Variants in SPAG9 observed in about 807,000 individuals in gnomAD.
The protein encoded by SPAG9 is sperm associated antigen 9.
A neutral mutation model predicts 166.5 loss-of-function variants in SPAG9; 35 were observed. That is an observed-to-expected ratio of 0.21 (90% CI 0.16 to 0.28). The LOEUF (loss-of-function observed/expected upper bound fraction) is 0.28. Ranked by LOEUF, SPAG9 falls within the 10% of genes least tolerant of loss-of-function variation. The probability of loss-of-function intolerance (pLI) is 1.00; values close to 1 mark genes in which losing one functional copy is unlikely to be tolerated. For missense variants in SPAG9, 1,235 were observed against 1,603.3 expected (o/e 0.77, Z 3.92); for synonymous variants, 534 against 565.5 (o/e 0.94, Z 0.79).
At chr17:51,046,539 C>T in intron 4 of SPAG9, 1 of 1,536,088 alleles carries the variant, frequency 6.5e-7, no homozygotes, top group South Asian at 1.2e-5. Flanking sequence ...AGCTGGCACA[C>T]CGGTAGAAAT....
chr17:51,080,648 TGAG>T (rs1446725523), intron 1 of SPAG9, among the ~76,000 whole-genome samples: 5 of 151,988 alleles, frequency 3.3e-5, no homozygotes, highest in African/African-American at 9.7e-5. Context: ...TTTGCGAGGC[TGAG>T]GAGAGCAGAT....
At chr17:51,022,943 A>AAAAAATAATAATAAT (rs2045999455) in intron 6 of SPAG9, among the ~76,000 whole-genome samples, 1 of 143,228 alleles carries the variant, frequency 7.0e-6, no homozygotes, top group African/African-American at 2.6e-5. Flanking sequence ...CTCCATCTCA[A>AAAAAATAATAATAAT]AATAATAATA....
intron 13 of SPAG9, among the ~76,000 whole-genome samples, chr17:51,000,255 A>G (rs569909755): frequency 1.3e-5 from 2 of 152,368 alleles, no homozygotes; most frequent in East Asian, 3.9e-4. Flanking sequence ...AAAATAAGAT[A>G]TTCCAAATTG....
intron 1 of SPAG9, among the ~76,000 whole-genome samples, chr17:51,107,027 G>A (rs568735838): frequency 1.3e-5 from 2 of 151,772 alleles, no homozygotes; most frequent in East Asian, 1.9e-4. Context: ...GCTTGAACCC[G>A]GGAGGCGGAG....
chr17:51,090,084 A>G (rs1218716005), intron 1 of SPAG9, among the ~76,000 whole-genome samples: 1 of 152,184 alleles, frequency 6.6e-6, no homozygotes, highest in East Asian at 1.9e-4. Flanking sequence ...CAGAGGTCAC[A>G]GCACATGCAA....
chr17:50,981,515 TAGATAGATAGATAGA>T (rs887023685), intron 25 of SPAG9, among the ~76,000 whole-genome samples: 9 of 140,354 alleles, frequency 6.4e-5, no homozygotes, highest in Non-Finnish European at 9.9e-5. Flanking sequence ...GATAGATAGA[TAGATAGATAGATAGA>T]AAGAAAGAAA....
chr17:50,975,831 GA>G, intron 27 of SPAG9: 1 of 1,516,760 alleles, frequency 6.6e-7, no homozygotes, highest in Non-Finnish European at 8.9e-7. Flanking sequence ...TAGAAGCCAG[GA>G]AGAAGAGTTT....
chr17:50,996,910 A>G (rs2044706478), intron 15 of SPAG9, among the ~76,000 whole-genome samples: 1 of 152,148 alleles, frequency 6.6e-6, no homozygotes, highest in Non-Finnish European at 1.5e-5. Flanking sequence ...GAGGCCGAGG[A>G]GGGCAGATAG....
Position 51,041,549 on chromosome 17 carries a change from T to C in SPAG9, c.693A>G (p.Gln231=), listed in dbSNP as rs755722251. ...QKGGETPGSE[Q]WKFQELSQPR... is the part of the protein sequence containing the mutation. The stretch of plus-strand genomic sequence containing the variant: ...GTTGACTTAATTCCTGAAATTTCCA[T>C]TGCTCAGATCCAGGGGTCTCTCCTC... Residue 231 remains glutamine, a synonymous_variant, in exon 5 of 30, where the codon CAA becomes CAG. Coordinates refer to ENST00000262013, the MANE Select transcript of SPAG9 (RefSeq NM_001130528.3). The C allele has an allele frequency of 2.5e-6, 4 of 1,613,992 alleles. No homozygotes were observed. Among genetic ancestry groups the C allele is most frequent in the Non-Finnish European group, 2.5e-6 (3 of 1,179,896 alleles).
chr17:51,012,722 C>CTTTATTTA (rs142325730), intron 9 of SPAG9, among the ~76,000 whole-genome samples: 4,752 of 145,794 alleles, frequency 0.033, 221 homozygotes, highest in East Asian at 0.16. Context: ...TTACTAGATA[C>CTTTATTTA]TTTATTTATT....
At chr17:51,078,286 C>T (rs904730362) in intron 2 of SPAG9, among the ~76,000 whole-genome samples, 6 of 152,180 alleles carry the variant, frequency 3.9e-5, no homozygotes, top group Admixed American at 2.0e-4. Context: ...TGCTTAATAG[C>T]CACTTGAGTT....
At chr17:51,030,058 G>C (rs180718133) in intron 6 of SPAG9, among the ~76,000 whole-genome samples, 10 of 152,180 alleles carry the variant, frequency 6.6e-5, no homozygotes, top group Admixed American at 1.3e-4. Context: ...TCTGGTCTTT[G>C]TGCCATTTTC....
chr17:50,995,541 T>C lies in SPAG9; in HGVS notation c.1969-8A>G, dbSNP rs765541858. On this transcript the variant is annotated splice_region_variant and splice_polypyrimidine_tract_variant and intron_variant, in intron 16 of 29. Coordinates refer to ENST00000262013, the MANE Select transcript of SPAG9 (RefSeq NM_001130528.3). ...ACCTTGACCATTGGTTACCTAATAA[T>C]GGTGGAAGGAGGAGTGAAAAAGGCA... is the stretch of plus-strand genomic sequence containing the variant. The C allele has an allele frequency of 2.5e-6, 4 of 1,574,662 alleles. No individual in the cohort carries two copies. In the African/African-American group the frequency reaches 4.0e-5, roughly 16 times the overall value.
At chr17:51,063,582 C>G (rs1482765735) in intron 2 of SPAG9, among the ~76,000 whole-genome samples, 1 of 152,072 alleles carries the variant, frequency 6.6e-6, no homozygotes, top group Non-Finnish European at 1.5e-5. Flanking sequence ...TTTGCAACAT[C>G]TAAAATAAAA....
chr17:51,089,802 G>A (rs1245241419), intron 1 of SPAG9, among the ~76,000 whole-genome samples: 4 of 149,838 alleles, frequency 2.7e-5, no homozygotes, highest in South Asian at 4.3e-4. Flanking sequence ...TCAGCCTCAC[G>A]AGTGGCTGGG....
At chr17:51,031,859 G>A (rs2046395780) in intron 5 of SPAG9, 137 bp from the exon 6 acceptor site, 1 of 746,620 alleles carries the variant, frequency 1.3e-6, no homozygotes, top group Non-Finnish European at 2.3e-6. Flanking sequence ...TGAGGGTTTG[G>A]AAGCTTTGTT....
At chr17:51,098,703 G>A (rs1334383450) in intron 1 of SPAG9, among the ~76,000 whole-genome samples, 4 of 151,934 alleles carry the variant, frequency 2.6e-5, no homozygotes, top group African/African-American at 9.7e-5. Context: ...TGTGTTGTCA[G>A]GCTGGTCTGA....
At chr17:51,021,448 A>G in intron 6 of SPAG9, 83 bp from the exon 7 acceptor site, 1 of 1,156,026 alleles carries the variant, frequency 8.7e-7, no homozygotes, top group Non-Finnish European at 1.2e-6. Context: ...AAATAAATCT[A>G]CCAAAGAAAG....
chr17:51,066,120 T>G (rs1359297243), intron 2 of SPAG9, among the ~76,000 whole-genome samples: 1 of 151,946 alleles, frequency 6.6e-6, no homozygotes, highest in South Asian at 2.1e-4. Flanking sequence ...TTTTTTTTTT[T>G]CTTGAGACAG....
Sources: gnomAD v4.1 joint callset for allele counts (sites outside exome capture counted in the v4.1 genomes callset) on GRCh38, gnomAD v4.1.1 for gene constraint, MANE v1.5 for transcripts, NCBI Gene and HGNC (gene_info 2026-07-23, HGNC 2026-07-21) for gene names.